The following KCND3 variants were observed in gnomAD, a reference collection of about 807,000 sequenced individuals.
The protein encoded by KCND3 is potassium voltage-gated channel subfamily D member 3, also known as A-type voltage-gated potassium channel KCND3.
A neutral mutation model predicts 51.1 loss-of-function variants in KCND3; 9 were observed. The observed-to-expected ratio is 0.18, with a 90% CI of 0.11 to 0.31. The LOEUF is 0.31. KCND3 is among the 10% of genes least tolerant of loss of function. The pLI is 1.00. For missense variants in KCND3, 526 were observed against 903.8 expected (o/e 0.58, Z 5.36); for synonymous variants, 349 against 368.0 (o/e 0.95, Z 0.59).
chr1:111,966,560 C>T (rs1674000503), intron 2 of KCND3, among the ~76,000 whole-genome samples: 1 of 152,128 alleles, frequency 6.6e-6, no homozygotes, highest in Non-Finnish European at 1.5e-5. Flanking sequence ...TGGTGGCTCA[C>T]TGGGGAAGCC....
intron 2 of KCND3, among the ~76,000 whole-genome samples, chr1:111,976,502 C>T (rs1212231932): frequency 6.6e-6 from 1 of 152,210 alleles, no homozygotes; most frequent in South Asian, 2.1e-4. Context: ...AACAAACGAA[C>T]CTGTTTGAGT....
At chr1:111,980,029 A>G (rs1674857190) in intron 2 of KCND3, among the ~76,000 whole-genome samples, 1 of 152,164 alleles carries the variant, frequency 6.6e-6, no homozygotes. Flanking sequence ...AGGGATGGCT[A>G]GGGTCAGCCT....
intron 2 of KCND3, among the ~76,000 whole-genome samples, chr1:111,810,970 C>T (rs780516642): frequency 6.6e-6 from 1 of 152,186 alleles, no homozygotes; most frequent in Non-Finnish European, 1.5e-5. Context: ...TCCCTCTAGC[C>T]TCTGCCTGTC....
intron 2 of KCND3, among the ~76,000 whole-genome samples, chr1:111,973,060 T>G (rs1674429329): frequency 6.6e-6 from 1 of 152,206 alleles, no homozygotes; most frequent in East Asian, 1.9e-4. Context: ...ACATCAAGAA[T>G]CATAAAAACA....
chr1:111,957,625 G>A (rs1243378127), intron 2 of KCND3, among the ~76,000 whole-genome samples: 1 of 152,194 alleles, frequency 6.6e-6, no homozygotes, highest in African/African-American at 2.4e-5. Context: ...CCCAGGCTCT[G>A]TTTTCATCTT....
chr1:111,830,136 C>G (rs1666768958), intron 2 of KCND3, among the ~76,000 whole-genome samples: 1 of 151,850 alleles, frequency 6.6e-6, no homozygotes, highest in Non-Finnish European at 1.5e-5. Context: ...TCTATGAGAA[C>G]AGAAACCTCT....
chr1:111,874,219 T>C (rs1175889418), intron 2 of KCND3, among the ~76,000 whole-genome samples: 1 of 152,200 alleles, frequency 6.6e-6, no homozygotes, highest in Non-Finnish European at 1.5e-5. Context: ...CAAACAACAC[T>C]GAGCTTTGTG....
At chr1:111,913,753 G>A (rs1225188408) in intron 2 of KCND3, among the ~76,000 whole-genome samples, 1 of 152,062 alleles carries the variant, frequency 6.6e-6, no homozygotes, top group Non-Finnish European at 1.5e-5. Context: ...AAAATAAGCT[G>A]GGTGTAGTGG....
intron 2 of KCND3, among the ~76,000 whole-genome samples, chr1:111,860,537 AC>A (rs1213619025): frequency 2.6e-5 from 4 of 151,596 alleles, no homozygotes; most frequent in African/African-American, 9.7e-5. Context: ...TCAGTCCCCC[AC>A]CCCCCCAACT....
chr1:111,986,921 C>T (rs1675317055), intron 1 of KCND3, among the ~76,000 whole-genome samples: 1 of 152,154 alleles, frequency 6.6e-6, no homozygotes, highest in African/African-American at 2.4e-5. Context: ...TGGCCACCTT[C>T]CTAGAGAGTA....
At chr1:111,973,760 A>C (rs1244561127) in intron 2 of KCND3, among the ~76,000 whole-genome samples, 1 of 152,238 alleles carries the variant, frequency 6.6e-6, no homozygotes, top group African/African-American at 2.4e-5. Context: ...ATATAGTTTC[A>C]TCCATTTATT....
At chr1:111,832,747 G>A (rs1203340616) in intron 2 of KCND3, among the ~76,000 whole-genome samples, 1 of 152,216 alleles carries the variant, frequency 6.6e-6, no homozygotes, top group Non-Finnish European at 1.5e-5. Context: ...TAACGAGGCT[G>A]AAGGGAGGTG....
intron 2 of KCND3, among the ~76,000 whole-genome samples, chr1:111,828,850 C>T (rs1177937212): frequency 1.3e-5 from 2 of 152,170 alleles, no homozygotes; most frequent in African/African-American, 4.8e-5. Flanking sequence ...TTTTACCATG[C>T]TCACAGCCCA....
At chr1:111,949,452 C>T (rs958007132) in intron 2 of KCND3, among the ~76,000 whole-genome samples, 2 of 152,126 alleles carry the variant, frequency 1.3e-5, no homozygotes, top group African/African-American at 2.4e-5. Flanking sequence ...CAGAGAAGAG[C>T]CCTGCAGGCA....
At chr1:111,936,013 T>C (rs555429147) in intron 2 of KCND3, among the ~76,000 whole-genome samples, 55 of 152,394 alleles carry the variant, frequency 3.6e-4, no homozygotes, top group African/African-American at 1.2e-3. Context: ...CTGCTCTGTA[T>C]AATTCATGCA....
intron 2 of KCND3, among the ~76,000 whole-genome samples, chr1:111,950,170 C>G (rs554725259): frequency 2.0e-5 from 3 of 152,324 alleles, no homozygotes; most frequent in Admixed American, 6.5e-5. Flanking sequence ...CTCAGCCTCC[C>G]GAAGTGCTGG....
chr1:111,830,057 C>T (rs1387565884), intron 2 of KCND3, among the ~76,000 whole-genome samples: 1 of 152,220 alleles, frequency 6.6e-6, no homozygotes, highest in Non-Finnish European at 1.5e-5. Context: ...TCCGGTCCAT[C>T]TTTCTACGTC....
intron 2 of KCND3, among the ~76,000 whole-genome samples, chr1:111,884,427 TC>T (rs1476423153): frequency 6.6e-6 from 1 of 152,196 alleles, no homozygotes; most frequent in East Asian, 1.9e-4. Flanking sequence ...CCCCAGGACT[TC>T]CTAACTTTCT....
intron 2 of KCND3, among the ~76,000 whole-genome samples, chr1:111,854,422 C>T (rs946146303): frequency 2.0e-5 from 3 of 152,114 alleles, no homozygotes; most frequent in African/African-American, 7.2e-5. Context: ...GGGCTACGAC[C>T]ATCTCTTCTC....
Sources: allele counts gnomAD v4.1 joint callset (sites outside exome capture counted in the v4.1 genomes callset), GRCh38; gene constraint gnomAD v4.1.1; transcripts MANE v1.5; gene names NCBI Gene and HGNC (gene_info 2026-07-23, HGNC 2026-07-21).